KCNC2: variants seen among roughly 807,000 people sequenced by gnomAD.
KCNC2 encodes potassium voltage-gated channel subfamily C member 2.
Under a neutral mutation model 44.5 loss-of-function variants are expected in KCNC2, and 21 were observed. The observed-to-expected ratio is 0.47, with a 90% CI of 0.33 to 0.68. The LOEUF (loss-of-function observed/expected upper bound fraction) is 0.68. Ranked by LOEUF, KCNC2 falls within the 30% of genes least tolerant of loss-of-function variation. The pLI, the probability that KCNC2 is intolerant of heterozygous loss-of-function variation, is 0.01. For synonymous variants in KCNC2, 391 were observed against 339.1 expected, an observed-to-expected ratio of 1.15 and a Z score of -1.68; for missense variants, 589 against 826.2, an observed-to-expected ratio of 0.71 and a Z score of 3.52.
intron 2 of KCNC2, among the ~76,000 whole-genome samples, chr12:75,139,223 T>C (rs969847909): frequency 1.3e-5 from 2 of 152,260 alleles, no homozygotes; most frequent in African/African-American, 2.4e-5. Context: ...CTCATTTCAT[T>C]TCATTTTGCT....
At chr12:75,090,080 T>G (rs1420719666) in intron 2 of KCNC2, among the ~76,000 whole-genome samples, 2 of 151,684 alleles carry the variant, frequency 1.3e-5, no homozygotes, top group Non-Finnish European at 3.0e-5. Flanking sequence ...ACAAACCAAT[T>G]GATTTGGGGG....
In KCNC2 at chr12:75,207,543, G is replaced by A. The variant is rs1391894071; in HGVS notation, c.441C>T (p.Asp147=). ...ELAFWGIDET[D]VEPCCWMTYR... ...AGGTCATCCAGCAGCAGGGCTCCAC[G>A]TCGGTCTCGTCGATGCCCCAGAAGG... Residue 147 remains aspartate (D), a synonymous_variant, in exon 2 of 5, where the codon GAC becomes GAT. Coordinates refer to ENST00000549446, the MANE Select transcript of KCNC2 (RefSeq NM_139137.4). This position sits in a 1 kb window ranked among gnomAD's most constrained non-coding sequence, Gnocchi z 4.1. 1 of 1,612,074 alleles carries A rather than the reference G, an allele frequency of 6.2e-7. No homozygotes were observed. The highest frequency in any genetic ancestry group is 8.5e-7 in the Non-Finnish European group (1 of 1,179,882).
intron 2 of KCNC2, among the ~76,000 whole-genome samples, chr12:75,144,967 G>A (rs755306981): frequency 2.0e-5 from 3 of 152,074 alleles, no homozygotes; most frequent in East Asian, 1.9e-4. Context: ...AAGGAAAAAA[G>A]GGATTATGCT....
chr12:75,053,225 C>A (rs7970843), intron 2 of KCNC2, among the ~76,000 whole-genome samples: 3 of 151,114 alleles, frequency 2.0e-5, no homozygotes, highest in African/African-American at 7.3e-5. Flanking sequence ...TACCTAAAAT[C>A]TTTTGTCATT....
chr12:75,208,683 A>G (rs2031911449), intron 1 of KCNC2, among the ~76,000 whole-genome samples: 1 of 148,564 alleles, frequency 6.7e-6, no homozygotes, highest in Non-Finnish European at 1.5e-5. Context: ...AACCTGTTCT[A>G]GGATCACCTC....
intron 2 of KCNC2, among the ~76,000 whole-genome samples, chr12:75,061,594 C>G (rs1882337686): frequency 6.6e-6 from 1 of 151,464 alleles, no homozygotes; most frequent in South Asian, 2.1e-4. Flanking sequence ...CACACACACA[C>G]ACACACACAC....
chr12:75,059,152 C>T (rs1882050432), intron 2 of KCNC2, among the ~76,000 whole-genome samples: 2 of 151,972 alleles, frequency 1.3e-5, no homozygotes, highest in South Asian at 2.1e-4. Context: ...TTATGAGAAA[C>T]AAGGAAACCA....
At chr12:75,185,235 G>C (rs1309766102) in intron 2 of KCNC2, among the ~76,000 whole-genome samples, 1 of 152,158 alleles carries the variant, frequency 6.6e-6, no homozygotes, top group Admixed American at 6.5e-5. Flanking sequence ...CAGTGATAAC[G>C]CAGGCTACTA....
At chr12:75,053,467 A>C (rs1881406922) in intron 2 of KCNC2, among the ~76,000 whole-genome samples, 1 of 152,106 alleles carries the variant, frequency 6.6e-6, no homozygotes, top group Non-Finnish European at 1.5e-5. Flanking sequence ...ACATGTGAAC[A>C]GCCTACAAAT....
chr12:75,091,821 A>C lies in KCNC2; in HGVS notation c.688-40504T>G, dbSNP rs530207234. On this transcript the variant is annotated intron_variant, in intron 2 of 4. Transcript: ENST00000549446. ...ACTATAAGGATTGCAGGCAAAGATA[A>C]AAGTGTATGCTTTAAGATATAATAT... Among the ~76,000 whole-genome samples the C allele has an allele frequency of 2.6e-5, 4 of 151,808 alleles. No individual in the cohort carries two copies. The South Asian group carries it at 8.3e-4, about 31-fold the overall frequency.
At chr12:75,158,459 C>T (rs1890903951) in intron 2 of KCNC2, among the ~76,000 whole-genome samples, 1 of 151,844 alleles carries the variant, frequency 6.6e-6, no homozygotes, top group Non-Finnish European at 1.5e-5. Context: ...TAGTTAATAA[C>T]CAAAACAAAG....
At chr12:75,082,240 G>A (rs557044057) in intron 2 of KCNC2, among the ~76,000 whole-genome samples, 1 of 151,862 alleles carries the variant, frequency 6.6e-6, no homozygotes, top group South Asian at 2.1e-4. Context: ...AATTAAAGAT[G>A]TATAAGAAGG....
chr12:75,174,813 C>A (rs998710462), intron 2 of KCNC2, among the ~76,000 whole-genome samples: 1 of 151,940 alleles, frequency 6.6e-6, no homozygotes, highest in East Asian at 1.9e-4. Flanking sequence ...CAACATATTT[C>A]ATTACATGTT....
chr12:75,169,969 A>G (rs758513701), intron 2 of KCNC2, among the ~76,000 whole-genome samples: 3 of 151,730 alleles, frequency 2.0e-5, no homozygotes, highest in Non-Finnish European at 4.4e-5. Flanking sequence ...GCGACATAAC[A>G]TTAGCAATAA....
At chr12:75,070,631 A>AT (rs1565827396) in intron 2 of KCNC2, among the ~76,000 whole-genome samples, 3 of 151,508 alleles carry the variant, frequency 2.0e-5, no homozygotes, top group South Asian at 2.1e-4. Flanking sequence ...ACTTTAAAAA[A>AT]ATATATATAT....
rs1230741835 is a variant in KCNC2 at position 75,050,490 on chromosome 12, T to A, written c.1515A>T (p.Ser505=). ...TTAATTCTGTCTTGCAAAAAGTAGG[T>A]GAGCTTGCCTGAGGAGCAGGAGGGA... The part of the protein sequence containing the change: ...KHIPPAPQAS[S]PTFCKTELNM... The change falls in exon 3 of 5, where the codon TCA becomes TCT. Residue 505 remains serine (S), a synonymous_variant. Coordinates refer to ENST00000549446, the MANE Select transcript of KCNC2 (RefSeq NM_139137.4). 2 of 1,610,310 alleles carry A rather than the reference T, an allele frequency of 1.2e-6. No individual in the cohort carries two copies. The highest frequency in any genetic ancestry group is 1.7e-6 in the Non-Finnish European group (2 of 1,176,746).
In KCNC2 at chr12:75,207,279, G is replaced by A. The variant is rs1449408252; in HGVS notation, c.687+18C>T. Reference sequence around the variant, plus strand: ...GGAGAAGTTGAAGCAGCAGGGAAGGGGTCGATTCTGGCCTTACCCTGGCGG... The same window carrying A: ...GGAGAAGTTGAAGCAGCAGGGAAGGAGTCGATTCTGGCCTTACCCTGGCGG... On this transcript the variant is annotated intron_variant, in intron 2 of 4. Transcript: ENST00000549446. The surrounding 1 kb of genome is among the most constrained non-coding windows in gnomAD (Gnocchi z 4.1). 1.3e-6 allele frequency: 2 copies of A among 1,519,398 alleles called. No homozygotes were observed. Among genetic ancestry groups the A allele is most frequent in the African/African-American group, 1.4e-5 (1 of 70,506 alleles). 94.1% of individuals were successfully genotyped at this position (1,519,398 alleles called of 1,614,324 possible). A position where few individuals can be genotyped will look rare whatever the true frequency, so the allele number is the denominator to read the frequency against.
intron 2 of KCNC2, among the ~76,000 whole-genome samples, chr12:75,082,807 T>C (rs1884631892): frequency 6.6e-6 from 1 of 151,892 alleles, no homozygotes; most frequent in South Asian, 2.1e-4. Context: ...ATGATTTTTA[T>C]GTTTACATAA....
At chr12:75,181,210 C>A (rs375308870) in intron 2 of KCNC2, among the ~76,000 whole-genome samples, 1 of 151,854 alleles carries the variant, frequency 6.6e-6, no homozygotes. Context: ...TTGAGAACTT[C>A]GTTGAAATGA....
Sources: allele counts gnomAD v4.1 joint callset (sites outside exome capture counted in the v4.1 genomes callset), GRCh38; gene constraint gnomAD v4.1.1; non-coding constraint Gnocchi (gnomAD v3.1); transcripts MANE v1.5; gene names NCBI Gene and HGNC (gene_info 2026-07-23, HGNC 2026-07-21).